IGSF5: variants seen among roughly 807,000 people sequenced by gnomAD.
The protein encoded by IGSF5 is immunoglobulin superfamily member 5, also known as immunoglobulin superfamily 5 like.
A neutral mutation model predicts 39.4 loss-of-function variants in IGSF5; 41 were observed. The ratio of observed to expected loss-of-function variants is 1.04; its 90% CI spans 0.81 to 1.35. The LOEUF is 1.35. Ranked by LOEUF, IGSF5 falls within the 40% of genes most tolerant of loss-of-function variation. The pLI is 0.00. For missense variants in IGSF5, 487 were observed against 494.6 expected (o/e 0.98, Z 0.15); for synonymous variants, 183 against 175.3 (o/e 1.04, Z -0.34).
At chr21:39,789,083 A>G (rs1387261317) in intron 6 of IGSF5, among the ~76,000 whole-genome samples, 1 of 152,178 alleles carries the variant, frequency 6.6e-6, no homozygotes, top group Non-Finnish European at 1.5e-5. Context: ...ACTTAGGGCA[A>G]GGGAAGAGGA....
chr21:39,725,951 A>G, the IGSF5 span: 2 of 152,238 alleles, frequency 1.3e-5, no homozygotes, highest in Admixed American at 1.3e-4. Flanking sequence ...GCATGGCCTC[A>G]GGAACCTGAG....
At chr21:39,779,025 A>G (rs1003696702) in intron 4 of IGSF5, 65 bp from the exon 5 acceptor site, 5 of 1,563,260 alleles carry the variant, frequency 3.2e-6, no homozygotes, top group Non-Finnish European at 4.3e-6. Flanking sequence ...GCAACTTATA[A>G]TGGGGCAGAA....
intron 5 of IGSF5, among the ~76,000 whole-genome samples, chr21:39,787,474 C>T (rs922800307): frequency 6.6e-6 from 1 of 151,932 alleles, no homozygotes; most frequent in African/African-American, 2.4e-5. Flanking sequence ...GCTTTTTACT[C>T]CCCACCTTCA....
At chr21:39,752,895 T>G (rs2080012510) in intron 2 of IGSF5, among the ~76,000 whole-genome samples, 1 of 152,234 alleles carries the variant, frequency 6.6e-6, no homozygotes, top group South Asian at 2.1e-4. Flanking sequence ...AGATTCTGGA[T>G]ACTAGTCCTT....
upstream of IGSF5, among the ~76,000 whole-genome samples, chr21:39,743,768 T>C (rs2079958220): frequency 1.3e-5 from 2 of 152,206 alleles, no homozygotes; most frequent in Non-Finnish European, 2.9e-5. Flanking sequence ...TGCCTTCTTT[T>C]CTACAAAAGA....
chr21:39,793,088 C>T (rs1022578123), intron 7 of IGSF5, among the ~76,000 whole-genome samples: 3 of 152,114 alleles, frequency 2.0e-5, no homozygotes, highest in Non-Finnish European at 4.4e-5. Context: ...TTCCAGAGAG[C>T]ATGGACTGTT....
the IGSF5 span, chr21:39,729,275 GAGA>G: frequency 4.6e-5 from 7 of 152,230 alleles, no homozygotes; most frequent in South Asian, 2.1e-4. Flanking sequence ...AAAAGCGAAA[GAGA>G]AGAACAGAAT....
chr21:39,792,220 G>A lies in IGSF5; in HGVS notation c.1048+121G>A. 1.5e-5 allele frequency: 9 copies of A among 616,856 alleles called. No individual in the cohort carries two copies. In the South Asian group the frequency reaches 2.2e-4, roughly 15 times the overall value. 38.2% of individuals were successfully genotyped at this position (616,856 alleles called of 1,614,324 possible). ...TGGCAATGGTGGTTATTATTTTTTG[G>A]ATAAATTTTAGAAGAAGAAATTCTA... On this transcript the variant is annotated intron_variant, in intron 7 of 8. Transcript: ENST00000380588.
intron 8 of IGSF5, among the ~76,000 whole-genome samples, chr21:39,796,410 T>C (rs2086996389): frequency 6.6e-6 from 1 of 152,214 alleles, no homozygotes; most frequent in South Asian, 2.1e-4. Context: ...CCGAATGCCT[T>C]GGTCCAAGGT....
At chr21:39,742,285 G>A (rs909823354), upstream of IGSF5, among the ~76,000 whole-genome samples, 1 of 152,178 alleles carries the variant, frequency 6.6e-6, no homozygotes, top group Non-Finnish European at 1.5e-5. Context: ...TGTGAAAAGG[G>A]TAAAGCTCCC....
intron 2 of IGSF5, among the ~76,000 whole-genome samples, chr21:39,758,315 C>A (rs2080043083): frequency 6.6e-6 from 1 of 152,152 alleles, no homozygotes; most frequent in Non-Finnish European, 1.5e-5. Flanking sequence ...GACTCGACTC[C>A]CAGAACGGTC....
At chr21:39,786,543 G>C (rs7510012) in intron 5 of IGSF5, among the ~76,000 whole-genome samples, 13 of 141,906 alleles carry the variant, frequency 9.2e-5, no homozygotes, top group Non-Finnish European at 1.5e-4. Context: ...TGTGGAAGTC[G>C]GTGTGGCGAT....
chr21:39,765,365 A>G (rs1274105224), intron 2 of IGSF5, among the ~76,000 whole-genome samples, 170 bp from the exon 3 acceptor site: 1 of 152,124 alleles, frequency 6.6e-6, no homozygotes, highest in Non-Finnish European at 1.5e-5. Context: ...CTTCCACCGG[A>G]AGCACCTGAT....
At chr21:39,761,813 CA>C (rs1425909331) in intron 2 of IGSF5, among the ~76,000 whole-genome samples, 6 of 152,238 alleles carry the variant, frequency 3.9e-5, no homozygotes, top group African/African-American at 1.4e-4. Context: ...GGACCACAGG[CA>C]CATGCTAACA....
chr21:39,755,090 CG>C (rs1430512555), intron 2 of IGSF5, among the ~76,000 whole-genome samples: 1 of 152,140 alleles, frequency 6.6e-6, no homozygotes, highest in South Asian at 2.1e-4. Context: ...ACCTGCTTGT[CG>C]GGGACTAGAA....
At chr21:39,777,151 C>T (rs934625831) in intron 4 of IGSF5, among the ~76,000 whole-genome samples, 2 of 152,176 alleles carry the variant, frequency 1.3e-5, no homozygotes, top group African/African-American at 4.8e-5. Flanking sequence ...TCACAAAGCT[C>T]CCACACAGTG....
At chr21:39,789,111 T>A (rs2086944618) in intron 6 of IGSF5, among the ~76,000 whole-genome samples, 1 of 152,110 alleles carries the variant, frequency 6.6e-6, no homozygotes, top group African/African-American at 2.4e-5. Context: ...TAGACCCTGA[T>A]AATTATTCTG....
upstream of IGSF5, among the ~76,000 whole-genome samples, chr21:39,744,341 C>T (rs1378689262): frequency 6.6e-6 from 1 of 152,212 alleles, no homozygotes; most frequent in East Asian, 1.9e-4. Flanking sequence ...TATGCAAATT[C>T]GTTTCAGAGA....
intron 8 of IGSF5, among the ~76,000 whole-genome samples, chr21:39,799,866 A>T (rs925505336): frequency 6.6e-6 from 1 of 152,242 alleles, no homozygotes; most frequent in Non-Finnish European, 1.5e-5. Flanking sequence ...ATCATGGATT[A>T]AATTGTAAGA....
Sources: allele counts gnomAD v4.1 joint callset (sites outside exome capture counted in the v4.1 genomes callset), GRCh38; gene constraint gnomAD v4.1.1; transcripts MANE v1.5; gene names NCBI Gene and HGNC (gene_info 2026-07-23, HGNC 2026-07-21).